The following CLASP2 variants were observed in gnomAD, a reference collection of about 807,000 sequenced individuals.
CLASP2 encodes the protein CLIP-associating protein 2.
In CLASP2, 47 loss-of-function variants were observed where a neutral mutation model predicts 194.4. The ratio of observed to expected loss-of-function variants is 0.24; its 90% CI spans 0.19 to 0.31. The LOEUF (loss-of-function observed/expected upper bound fraction) is 0.31. Ranked by LOEUF, CLASP2 falls within the 10% of genes least tolerant of loss-of-function variation. The pLI is 1.00. For synonymous variants in CLASP2, 619 were observed against 633.5 expected (o/e 0.98, Z 0.34); for missense variants, 1,445 against 1,823.6 (o/e 0.79, Z 3.78).
chr3:33,636,411 AAAGT>A (rs541587668), intron 8 of CLASP2, among the ~76,000 whole-genome samples: 201 of 152,288 alleles, frequency 1.3e-3, no homozygotes, highest in Admixed American at 3.3e-3. Context: ...TCTGCTGATA[AAAGT>A]AACTCCCTAA....
In CLASP2 at chr3:33,502,370, A is replaced by G. The variant is rs1370544930; in HGVS notation, c.4318-602T>C. On this transcript the variant is annotated intron_variant, in intron 37 of 38. Coordinates refer to ENST00000682230, the MANE Select transcript of CLASP2 (RefSeq NM_001365631.1). Reference sequence around the variant, plus strand: ...TAATGTGATGTTTCAATACATGTACACTGTGGAATGACCAAATCAGGCTAA... The same window carrying G: ...TAATGTGATGTTTCAATACATGTACGCTGTGGAATGACCAAATCAGGCTAA... 3.3e-5 allele frequency: 5 copies of G among 152,230 alleles called. No homozygotes were observed. The South Asian group carries it at 6.2e-4, about 19-fold the overall frequency. The allele number at this position is 152,230 out of a possible 1,614,324, so 9.4% of individuals were successfully genotyped here.
At chr3:33,543,998 A>G (rs912474002) in intron 31 of CLASP2, among the ~76,000 whole-genome samples, 1 of 152,206 alleles carries the variant, frequency 6.6e-6, no homozygotes, top group Admixed American at 6.5e-5. Context: ...CTGGTTCACA[A>G]GAAATTGTTT....
At chr3:33,599,588 T>C (rs2071454602) in intron 18 of CLASP2, among the ~76,000 whole-genome samples, 1 of 152,182 alleles carries the variant, frequency 6.6e-6, no homozygotes, top group Admixed American at 6.5e-5. Flanking sequence ...TATAGAAGCA[T>C]ATACCTCTGG....
chr3:33,712,832 C>T (rs966356705), intron 1 of CLASP2, among the ~76,000 whole-genome samples: 2 of 151,548 alleles, frequency 1.3e-5, no homozygotes, highest in South Asian at 2.1e-4. Flanking sequence ...CATGGTGGTG[C>T]GTGCCTGTAA....
At chr3:33,526,883 G>C (rs796939454) in intron 34 of CLASP2, among the ~76,000 whole-genome samples, 16 of 151,006 alleles carry the variant, frequency 1.1e-4, no homozygotes, top group African/African-American at 3.9e-4. Context: ...ATTACTTTTG[G>C]GTAAATAATG....
At chr3:33,659,514 T>TTA in intron 7 of CLASP2, 2 of 546,176 alleles carry the variant, frequency 3.7e-6, no homozygotes, top group Non-Finnish European at 4.7e-6. Context: ...TACCTTTTAA[T>TTA]ATTTACAACA....
At chr3:33,612,430 C>T (rs547535474) in intron 12 of CLASP2, among the ~76,000 whole-genome samples, 34 of 152,278 alleles carry the variant, frequency 2.2e-4, no homozygotes, top group East Asian at 1.5e-3. Context: ...GGTAAAAAAT[C>T]ATAATTGCCA....
intron 1 of CLASP2, among the ~76,000 whole-genome samples, chr3:33,708,445 T>C (rs1004672353): frequency 2.7e-5 from 4 of 149,064 alleles, no homozygotes; most frequent in African/African-American, 9.8e-5. Flanking sequence ...TATTCCTTTG[T>C]GTGTGTGTCA....
At chr3:33,597,857 ATTC>A (rs1299558408) in intron 18 of CLASP2, among the ~76,000 whole-genome samples, 2 of 149,634 alleles carry the variant, frequency 1.3e-5, no homozygotes, top group African/African-American at 4.9e-5. Flanking sequence ...GGTTCAAGTG[ATTC>A]TTGTGCCTCA....
At chr3:33,556,043 A>G (rs1237832061) in intron 29 of CLASP2, among the ~76,000 whole-genome samples, 1 of 152,260 alleles carries the variant, frequency 6.6e-6, no homozygotes, top group East Asian at 1.9e-4. Context: ...TCTAGCTGCT[A>G]AAGGATGTGA....
At chr3:33,585,340 G>A (rs930362287) in intron 21 of CLASP2, among the ~76,000 whole-genome samples, 2 of 152,110 alleles carry the variant, frequency 1.3e-5, no homozygotes, top group South Asian at 2.1e-4. Flanking sequence ...TCTGAGAAAC[G>A]TGTTGTTGGG....
chr3:33,664,658 C>T (rs1390054734), intron 6 of CLASP2, among the ~76,000 whole-genome samples: 2 of 152,122 alleles, frequency 1.3e-5, no homozygotes, highest in Non-Finnish European at 2.9e-5. Context: ...CAACTATTTA[C>T]ATATAGAAAG....
At chr3:33,602,812 C>T (rs761250738) in intron 18 of CLASP2, 140 bp downstream of exon 18, 2 of 899,984 alleles carry the variant, frequency 2.2e-6, no homozygotes, top group South Asian at 1.4e-5. Flanking sequence ...AGAAGTGTGT[C>T]CGCAATATAG....
intron 38 of CLASP2, 150 bp from the exon 39 acceptor site, chr3:33,498,867 G>T: frequency 2.3e-6 from 1 of 437,396 alleles, no homozygotes; most frequent in Admixed American, 4.0e-5. Context: ...TTGATAATTA[G>T]GAATAACAAA....
intron 8 of CLASP2, among the ~76,000 whole-genome samples, chr3:33,641,129 TAC>T (rs2081198044): frequency 6.6e-6 from 1 of 152,016 alleles, no homozygotes. Context: ...TTCTTATATA[TAC>T]ATTCTTTCAT....
intron 1 of CLASP2, among the ~76,000 whole-genome samples, chr3:33,715,272 T>A (rs1478266307): frequency 6.6e-6 from 1 of 152,240 alleles, no homozygotes; most frequent in African/African-American, 2.4e-5. Context: ...TACCTCTTTC[T>A]AATGCAATGG....
At chr3:33,555,162 T>C (rs1052037653) in intron 29 of CLASP2, among the ~76,000 whole-genome samples, 3 of 152,130 alleles carry the variant, frequency 2.0e-5, no homozygotes, top group African/African-American at 7.2e-5. Context: ...AATGCATACA[T>C]ATATCAAAAC....
intron 21 of CLASP2, among the ~76,000 whole-genome samples, chr3:33,587,881 A>G (rs1337335011): frequency 1.3e-5 from 2 of 152,236 alleles, no homozygotes; most frequent in Non-Finnish European, 2.9e-5. Flanking sequence ...AGTATAAATA[A>G]TGAACTGAGC....
intron 7 of CLASP2, among the ~76,000 whole-genome samples, chr3:33,655,610 T>C (rs889798921): frequency 1.3e-5 from 2 of 152,218 alleles, no homozygotes; most frequent in African/African-American, 4.8e-5. Context: ...AGTCAAATGG[T>C]TGCTTTCTTT....
Sources: gnomAD v4.1 joint callset for allele counts (sites outside exome capture counted in the v4.1 genomes callset) on GRCh38, gnomAD v4.1.1 for gene constraint, MANE v1.5 for transcripts, NCBI Gene and HGNC (gene_info 2026-07-23, HGNC 2026-07-21) for gene names.